TRPM3: variants seen among roughly 807,000 people sequenced by gnomAD.
The protein encoded by TRPM3 is long transient receptor potential channel 3.
TRPM3 carries 77 observed loss-of-function variants against 181.2 expected under a neutral mutation model. The observed-to-expected ratio is 0.42, with a 90% CI of 0.35 to 0.51. TRPM3 has a LOEUF of 0.51. Among genes scored for constraint, TRPM3 ranks in the 20% least tolerant of loss-of-function variants. The pLI is 0.01. For missense variants in TRPM3, 1,759 were observed against 2,196.7 expected, an observed-to-expected ratio of 0.80 and a Z score of 3.98; for synonymous variants, 745 against 796.4, an observed-to-expected ratio of 0.94 and a Z score of 1.09.
intron 1 of TRPM3, among the ~76,000 whole-genome samples, chr9:71,313,771 T>C (rs1218502936): frequency 6.6e-6 from 1 of 152,154 alleles, no homozygotes; most frequent in Non-Finnish European, 1.5e-5. Context: ...ATTTCCTCAT[T>C]GGTCACTTGA....
At chr9:70,646,745 G>T (rs1177227057) in intron 9 of TRPM3, among the ~76,000 whole-genome samples, 2 of 151,758 alleles carry the variant, frequency 1.3e-5, no homozygotes, top group Non-Finnish European at 2.9e-5. Flanking sequence ...GGAACTAAGA[G>T]TTGGTTTTTT....
intron 8 of TRPM3, among the ~76,000 whole-genome samples, chr9:70,701,359 G>C (rs954602963): frequency 2.0e-5 from 3 of 152,128 alleles, no homozygotes; most frequent in African/African-American, 7.2e-5. Context: ...ATAGTTTTCT[G>C]TCTCAATGGT....
chr9:70,579,182 G>C (rs2054912428), intron 22 of TRPM3: 2 of 152,494 alleles, frequency 1.3e-5, no homozygotes, highest in Admixed American at 1.3e-4. Context: ...GTCTCGCTAT[G>C]TTGCCCAGGC....
At chr9:70,926,225 T>C (rs745874176) in intron 1 of TRPM3, among the ~76,000 whole-genome samples, 2 of 152,064 alleles carry the variant, frequency 1.3e-5, no homozygotes, top group Non-Finnish European at 2.9e-5. Context: ...AAATTATAAA[T>C]CTGAGCTTGG....
chr9:71,230,794 T>A (rs934766122), intron 1 of TRPM3, among the ~76,000 whole-genome samples: 1 of 152,186 alleles, frequency 6.6e-6, no homozygotes, highest in African/African-American at 2.4e-5. Context: ...GAAGAGCACC[T>A]AAGGCTACAG....
At chr9:70,849,142 T>C (rs62545305) in intron 3 of TRPM3, among the ~76,000 whole-genome samples, 4,375 of 152,222 alleles carry the variant, frequency 0.029, 88 homozygotes, top group Middle Eastern at 0.058. Context: ...GTTTTTGTTA[T>C]TGTTTTTGTT....
intron 1 of TRPM3, among the ~76,000 whole-genome samples, chr9:71,164,236 G>T (rs576625080): frequency 6.6e-6 from 1 of 152,298 alleles, no homozygotes; most frequent in Admixed American, 6.5e-5. Context: ...CCAATTCAAT[G>T]AATTTACTTG....
At chr9:70,697,853 C>T (rs909676524) in intron 8 of TRPM3, among the ~76,000 whole-genome samples, 5 of 152,198 alleles carry the variant, frequency 3.3e-5, no homozygotes, top group African/African-American at 1.2e-4. Context: ...AATTTAGCCA[C>T]TTCTCACCAT....
intron 1 of TRPM3, among the ~76,000 whole-genome samples, chr9:71,047,730 A>G (rs2059601485): frequency 1.3e-5 from 2 of 152,108 alleles, no homozygotes; most frequent in Admixed American, 6.6e-5. Context: ...TCCATAGTAG[A>G]AACTACAAAA....
chr9:70,889,702 C>G (rs2096161607), intron 1 of TRPM3, among the ~76,000 whole-genome samples: 2 of 152,120 alleles, frequency 1.3e-5, no homozygotes, highest in African/African-American at 4.8e-5. Flanking sequence ...ATGCCTTACT[C>G]TGAGGTATAA....
At chr9:71,318,919 A>C (rs1454269505) in intron 1 of TRPM3, among the ~76,000 whole-genome samples, 1 of 147,804 alleles carries the variant, frequency 6.8e-6, no homozygotes, top group Non-Finnish European at 1.5e-5. Flanking sequence ...TCCCTCTCCC[A>C]GCCCCCTGCC....
At chr9:70,823,290 C>T (rs2093329584) in intron 6 of TRPM3, among the ~76,000 whole-genome samples, 2 of 152,212 alleles carry the variant, frequency 1.3e-5, no homozygotes, top group African/African-American at 4.8e-5. Context: ...CTCTCTACCT[C>T]AGTCTAATCT....
intron 1 of TRPM3, among the ~76,000 whole-genome samples, chr9:71,242,656 C>T (rs1327737028): frequency 6.6e-6 from 1 of 152,144 alleles, no homozygotes; most frequent in South Asian, 2.1e-4. Flanking sequence ...ATTACTACCA[C>T]CATTACTATC....
chr9:70,847,103 C>A (rs1304230835), intron 3 of TRPM3, among the ~76,000 whole-genome samples: 1 of 151,866 alleles, frequency 6.6e-6, no homozygotes, highest in Non-Finnish European at 1.5e-5. Context: ...AACTGCATAC[C>A]AAATGTAATG....
intron 11 of TRPM3, among the ~76,000 whole-genome samples, chr9:70,635,462 ATTTTTTTTTTT>A (rs71505401): frequency 2.7e-5 from 3 of 113,130 alleles, no homozygotes; most frequent in Non-Finnish European, 3.4e-5. Flanking sequence ...TTTGTCAGTG[ATTTTTTTTTTT>A]TTTTTTTTTT....
At chr9:70,674,904 T>G (rs2063700337) in intron 9 of TRPM3, among the ~76,000 whole-genome samples, 1 of 151,580 alleles carries the variant, frequency 6.6e-6, no homozygotes, top group Non-Finnish European at 1.5e-5. Context: ...TACCTTTAAG[T>G]TTAGGTTTTC....
chr9:70,563,141 A>G (rs942057869), intron 22 of TRPM3, among the ~76,000 whole-genome samples: 2 of 152,248 alleles, frequency 1.3e-5, no homozygotes, highest in East Asian at 1.9e-4. Context: ...CATAAGAGAC[A>G]TGCATGAGCT....
rs1393563586 is a variant in TRPM3, at chr9:70,529,663, ACT to A, written c.*6288_*6289del. 1 of 152,144 alleles carries A rather than the reference ACT, an allele frequency of 6.6e-6. No homozygotes were observed. The highest frequency in any genetic ancestry group is 1.5e-5 in the Non-Finnish European group (1 of 68,016). The allele number at this position is 152,144 out of a possible 1,614,324, so 9.4% of individuals were successfully genotyped here. On this transcript the variant is annotated 3_prime_UTR_variant, in exon 26 of 26. Coordinates refer to ENST00000677713, the MANE Select transcript of TRPM3 (RefSeq NM_001366145.2). ...GCATATATCATTCAGAACAAGAGTA[ACT>A]CTGAATAAGGCGAGTTTCTTTTCCC...
chr9:70,621,127 ATAT>A (rs985068067), intron 15 of TRPM3, 114 bp downstream of exon 15: 63 of 268,824 alleles, frequency 2.3e-4, no homozygotes, highest in African/African-American at 1.5e-3. Context: ...TATAGTATAT[ATAT>A]TATGTGTATA....
Sources: gnomAD v4.1 joint callset for allele counts (sites outside exome capture counted in the v4.1 genomes callset) on GRCh38, gnomAD v4.1.1 for gene constraint, MANE v1.5 for transcripts, NCBI Gene and HGNC (gene_info 2026-07-23, HGNC 2026-07-21) for gene names.